Variants in EGFLAM observed in about 807,000 individuals in gnomAD.
EGFLAM encodes the protein EGF like, fibronectin type III and laminin G domains.
In EGFLAM, 79 loss-of-function variants were observed where a neutral mutation model predicts 113.1. The observed-to-expected ratio is 0.70, with a 90% CI of 0.58 to 0.84. The LOEUF is 0.84. Among genes scored for constraint, EGFLAM ranks in the 40% least tolerant of loss-of-function variants. The probability of loss-of-function intolerance (pLI) is 0.00; values close to 1 mark genes in which losing one functional copy is unlikely to be tolerated. For synonymous variants in EGFLAM, 504 were observed against 487.6 expected, an observed-to-expected ratio of 1.03 and a Z score of -0.44; for missense variants, 1,265 against 1,291.6, an observed-to-expected ratio of 0.98 and a Z score of 0.32.
At chr5:38,367,516 G>C (rs904147468) in intron 5 of EGFLAM, among the ~76,000 whole-genome samples, 5 of 151,996 alleles carry the variant, frequency 3.3e-5, no homozygotes, top group African/African-American at 1.2e-4. Context: ...CTTCCAAAGT[G>C]CTGGGATTAC....
At chr5:38,394,818 T>C (rs1001316841) in intron 6 of EGFLAM, among the ~76,000 whole-genome samples, 1 of 152,116 alleles carries the variant, frequency 6.6e-6, no homozygotes, top group African/African-American at 2.4e-5. Flanking sequence ...CTTCTTTTTC[T>C]TGAAATATAC....
chr5:38,438,687 A>G (rs1742438926), intron 17 of EGFLAM, among the ~76,000 whole-genome samples: 1 of 152,184 alleles, frequency 6.6e-6, no homozygotes, highest in South Asian at 2.1e-4. Flanking sequence ...TAGGTTCCCC[A>G]CCCTCTGCCC....
intron 12 of EGFLAM, among the ~76,000 whole-genome samples, chr5:38,423,109 G>A (rs1191045815): frequency 6.6e-6 from 1 of 152,110 alleles, no homozygotes; most frequent in East Asian, 1.9e-4. Context: ...CAGAAGCCAG[G>A]TCCTGTTCAC....
intron 15 of EGFLAM, among the ~76,000 whole-genome samples, chr5:38,433,874 G>A (rs1742264319): frequency 6.6e-6 from 1 of 152,176 alleles, no homozygotes; most frequent in African/African-American, 2.4e-5. Context: ...GCTGCCGGAA[G>A]GCTATTGACA....
intron 5 of EGFLAM, among the ~76,000 whole-genome samples, chr5:38,363,744 C>G (rs960719741): frequency 6.6e-6 from 1 of 152,088 alleles, no homozygotes; most frequent in African/African-American, 2.4e-5. Flanking sequence ...AACATCATTC[C>G]GAGAAGGCGT....
In EGFLAM at chr5:38,425,080, C is replaced by T. The variant is rs775518653; in HGVS notation, c.1798C>T (p.His600Tyr). 13 of 1,613,760 alleles carry T rather than the reference C, an allele frequency of 8.1e-6. No homozygotes were observed. In the South Asian group the frequency reaches 1.3e-4, roughly 16 times the overall value. The part of the protein sequence containing the change: ...CLCPLGFKGR[H>Y]CEDAFTLTIP... ...CTGTCCCCTTGGGTTTAAAGGTCGA[C>T]ACTGTGAAGATGGTGAGAAAGAAGC... The change falls in exon 13 of 22, where the codon CAC becomes TAC. Residue 600 changes from histidine (H) to tyrosine (Y), a missense_variant. His to Tyr is a moderately conservative substitution (Grantham distance 83). Coordinates refer to ENST00000322350, the MANE Select transcript of EGFLAM (RefSeq NM_152403.4).
At chr5:38,405,555 T>C (rs78651280) in intron 6 of EGFLAM, among the ~76,000 whole-genome samples, 3,015 of 152,326 alleles carry the variant, frequency 0.02, 100 homozygotes, top group African/African-American at 0.069. Flanking sequence ...ATTCTATAGA[T>C]ATACTATAAA....
chr5:38,338,450 C>T (rs570671515), intron 2 of EGFLAM, among the ~76,000 whole-genome samples: 14 of 152,280 alleles, frequency 9.2e-5, no homozygotes, highest in South Asian at 8.3e-4. Context: ...AAAAATAACA[C>T]GAGCCATGTG....
chr5:38,458,339 A>C lies in EGFLAM; in HGVS notation c.2716A>C (p.Ile906Leu). Residue 906 changes from isoleucine to leucine, a missense_variant, in exon 20 of 22, where the codon ATC becomes CTC. Physicochemically the swap from Ile to Leu is conservative, Grantham distance 5 (BLOSUM62 2). Transcript: ENST00000322350. ...SYNLGSGVASIMVNGSFNDGR... is the reference protein window; with the variant it reads ...SYNLGSGVASLMVNGSFNDGR... The stretch of plus-strand genomic sequence containing the variant: ...TAACCTGGGCAGTGGTGTGGCATCC[A>C]TCATGGTGAATGGCTCCTTCAACGA... The C allele has an allele frequency of 6.2e-7, 1 of 1,614,040 alleles. No individual in the cohort carries two copies. Among genetic ancestry groups the C allele is most frequent in the Non-Finnish European group, 8.5e-7 (1 of 1,179,986 alleles).
intron 5 of EGFLAM, among the ~76,000 whole-genome samples, chr5:38,369,035 T>C (rs560120323): frequency 1.3e-5 from 2 of 152,330 alleles, no homozygotes; most frequent in African/African-American, 4.8e-5. Flanking sequence ...CTGCAGGCCA[T>C]GCACAATTAT....
chr5:38,333,642 G>C (rs1170723896), intron 1 of EGFLAM, among the ~76,000 whole-genome samples: 1 of 151,980 alleles, frequency 6.6e-6, no homozygotes, highest in African/African-American at 2.4e-5. Flanking sequence ...CTTTTTAATA[G>C]GGTTGTTTAT....
chr5:38,445,952 A>G (rs2731970), intron 17 of EGFLAM, among the ~76,000 whole-genome samples: 20,113 of 152,074 alleles, frequency 0.13, 4,404 homozygotes, highest in African/African-American at 0.46. Flanking sequence ...GGCACGTCCC[A>G]ACCCTTGCAA....
At chr5:38,443,459 G>A (rs559496214) in intron 17 of EGFLAM, among the ~76,000 whole-genome samples, 1 of 152,234 alleles carries the variant, frequency 6.6e-6, no homozygotes, top group East Asian at 1.9e-4. Context: ...TATAGATGTT[G>A]CTCTTTAGAT....
At chr5:38,372,126 G>A (rs1281841061) in intron 6 of EGFLAM, among the ~76,000 whole-genome samples, 1 of 151,326 alleles carries the variant, frequency 6.6e-6, no homozygotes, top group African/African-American at 2.4e-5. Flanking sequence ...GTGGGTTGGG[G>A]CACCTCTCAT....
chr5:38,446,074 A>T (rs1355806682), intron 17 of EGFLAM, among the ~76,000 whole-genome samples: 1 of 152,138 alleles, frequency 6.6e-6, no homozygotes, highest in African/African-American at 2.4e-5. Context: ...CAAACCCACC[A>T]GGGACTCCTT....
intron 1 of EGFLAM, among the ~76,000 whole-genome samples, chr5:38,269,735 C>A (rs1158821513): frequency 6.6e-6 from 1 of 152,116 alleles, no homozygotes; most frequent in African/African-American, 2.4e-5. Context: ...ATGATCCGCC[C>A]GCCTCGGCCT....
intron 1 of EGFLAM, among the ~76,000 whole-genome samples, chr5:38,260,965 C>T (rs1315066082): frequency 6.6e-6 from 1 of 152,160 alleles, no homozygotes; most frequent in East Asian, 1.9e-4. Flanking sequence ...TACCTTGTTT[C>T]CTCAACAGAA....
intron 5 of EGFLAM, among the ~76,000 whole-genome samples, chr5:38,359,231 C>G (rs979751928): frequency 6.6e-6 from 1 of 152,098 alleles, no homozygotes. Context: ...TGCTGTCTAT[C>G]GAGTTGGATA....
At chr5:38,352,643 T>TC (rs1403658546) in intron 5 of EGFLAM, among the ~76,000 whole-genome samples, 3 of 133,856 alleles carry the variant, frequency 2.2e-5, no homozygotes, top group African/African-American at 8.4e-5. Context: ...CAAGACTCCA[T>TC]CCCAAAAAAA....
Sources: allele counts gnomAD v4.1 joint callset (sites outside exome capture counted in the v4.1 genomes callset), GRCh38; gene constraint gnomAD v4.1.1; transcripts MANE v1.5; gene names NCBI Gene and HGNC (gene_info 2026-07-23, HGNC 2026-07-21).